Variants in EPHA6 observed in about 807,000 individuals in gnomAD.
EPHA6 encodes the protein ephrin type-A receptor 6.
In EPHA6, 50 loss-of-function variants were observed where a neutral mutation model predicts 112.0. The observed-to-expected ratio is 0.45, with a 90% CI of 0.36 to 0.56. EPHA6 has a LOEUF of 0.56. EPHA6 is among the 20% of genes least tolerant of loss of function. EPHA6 has a pLI of 0.00. For synonymous variants in EPHA6, 529 were observed against 490.7 expected, an observed-to-expected ratio of 1.08 and a Z score of -1.03; for missense variants, 1,280 against 1,417.4, an observed-to-expected ratio of 0.90 and a Z score of 1.56.
intron 14 of EPHA6, among the ~76,000 whole-genome samples, chr3:97,640,085 A>T (rs1354411108): frequency 6.6e-6 from 1 of 152,168 alleles, no homozygotes; most frequent in African/African-American, 2.4e-5. Flanking sequence ...TAGAAGGTTC[A>T]TGCTGCCTTG....
chr3:97,384,681 C>A (rs1032274510), intron 5 of EPHA6, among the ~76,000 whole-genome samples: 3 of 152,030 alleles, frequency 2.0e-5, no homozygotes, highest in Non-Finnish European at 4.4e-5. Context: ...TTCCAATATC[C>A]AAAGAATTTA....
chr3:97,321,786 T>G (rs2082133957), intron 5 of EPHA6, among the ~76,000 whole-genome samples: 1 of 152,084 alleles, frequency 6.6e-6, no homozygotes, highest in Admixed American at 6.6e-5. Flanking sequence ...AACAAATTAT[T>G]TGTTAACTAT....
At chr3:97,458,866 A>C (rs1056735694) in intron 7 of EPHA6, among the ~76,000 whole-genome samples, 1 of 152,188 alleles carries the variant, frequency 6.6e-6, no homozygotes, top group African/African-American at 2.4e-5. Flanking sequence ...CCAGATATAG[A>C]TGTAGGCACT....
At chr3:96,953,095 T>C (rs182473976) in intron 2 of EPHA6, among the ~76,000 whole-genome samples, 3 of 151,944 alleles carry the variant, frequency 2.0e-5, no homozygotes, top group Non-Finnish European at 4.4e-5. Context: ...ATTTCCTGGG[T>C]TTTTTATAGC....
At chr3:97,357,955 T>C (rs570594359) in intron 5 of EPHA6, among the ~76,000 whole-genome samples, 3 of 152,258 alleles carry the variant, frequency 2.0e-5, no homozygotes, top group Admixed American at 1.3e-4. Flanking sequence ...GGGATGGTCT[T>C]GCTGTCTTAG....
At chr3:97,475,765 A>T (rs2091351732) in intron 8 of EPHA6, among the ~76,000 whole-genome samples, 1 of 152,190 alleles carries the variant, frequency 6.6e-6, no homozygotes, top group African/African-American at 2.4e-5. Context: ...TTCTTAAAAA[A>T]TATTTTAATG....
rs2078263304 is a variant in EPHA6 at position 97,223,481 on chromosome 3, A to T, written c.1115-2783A>T. 2.0e-5 allele frequency among the ~76,000 whole-genome samples: 3 copies of T among 152,222 alleles called. No individual in the cohort carries two copies. The South Asian group carries it at 6.2e-4, about 31-fold the overall frequency. On this transcript the variant is annotated intron_variant, in intron 3 of 17. Transcript: ENST00000389672. ...GTGGGAACAAGCTTGGGTGTCCAAGATTCTGGAAAAGGCCAGTGTGGCTAG... is the reference window on the plus strand; with the variant it reads ...GTGGGAACAAGCTTGGGTGTCCAAGTTTCTGGAAAAGGCCAGTGTGGCTAG...
intron 3 of EPHA6, among the ~76,000 whole-genome samples, chr3:97,021,843 C>A (rs1367043937): frequency 6.6e-6 from 1 of 152,170 alleles, no homozygotes; most frequent in Non-Finnish European, 1.5e-5. Context: ...TAGTCTATAT[C>A]ACCTTGCCTT....
chr3:97,046,071 A>G (rs2045495849), intron 3 of EPHA6, among the ~76,000 whole-genome samples: 1 of 152,092 alleles, frequency 6.6e-6, no homozygotes, highest in Non-Finnish European at 1.5e-5. Context: ...AAAAAGAGAG[A>G]TTCTTCCTAA....
At chr3:96,925,018 T>C (rs925995828) in intron 2 of EPHA6, among the ~76,000 whole-genome samples, 4 of 152,152 alleles carry the variant, frequency 2.6e-5, no homozygotes, top group Non-Finnish European at 4.4e-5. Flanking sequence ...TGTTTTGATG[T>C]GCTGGTTTGG....
At chr3:96,908,910 T>G (rs2039074192) in intron 2 of EPHA6, among the ~76,000 whole-genome samples, 1 of 151,980 alleles carries the variant, frequency 6.6e-6, no homozygotes, top group Admixed American at 6.6e-5. Flanking sequence ...GGAGTTAATC[T>G]GCTATGAGCC....
intron 3 of EPHA6, among the ~76,000 whole-genome samples, chr3:97,090,984 A>G (rs1037157126): frequency 6.6e-6 from 1 of 152,120 alleles, no homozygotes; most frequent in African/African-American, 2.4e-5. Context: ...TTACAGTAAT[A>G]ATATTGAACA....
In EPHA6 at chr3:97,310,997, C is replaced by G. The variant is rs188935906; in HGVS notation, c.1606+66710C>G. Among the ~76,000 whole-genome samples the G allele has an allele frequency of 7.6e-4, 115 of 151,638 alleles. 2 individuals carry two copies. In the East Asian group the frequency reaches 0.021, roughly 28 times the overall value. On this transcript the variant is annotated intron_variant, in intron 5 of 17. Coordinates refer to ENST00000389672, the MANE Select transcript of EPHA6 (RefSeq NM_001080448.3). ...CTAGCTATCCTTTCCCACCTGGAGA[C>G]AGCTTGATCAACCTGATGAGTAACA...
chr3:97,585,639 C>A (rs1276857996), intron 11 of EPHA6, among the ~76,000 whole-genome samples: 1 of 151,080 alleles, frequency 6.6e-6, no homozygotes, highest in Non-Finnish European at 1.5e-5. Flanking sequence ...CAGTAATGGT[C>A]ATATTATTTT....
chr3:97,618,751 G>A (rs183626196), intron 13 of EPHA6, among the ~76,000 whole-genome samples: 430 of 152,134 alleles, frequency 2.8e-3, no homozygotes, highest in Non-Finnish European at 5.1e-3. Flanking sequence ...AACAGGTTCT[G>A]AAATTGAGGA....
chr3:96,861,046 A>G (rs1358614428), intron 1 of EPHA6, among the ~76,000 whole-genome samples: 4 of 152,060 alleles, frequency 2.6e-5, no homozygotes, highest in Admixed American at 2.0e-4. Context: ...GTGATAGATC[A>G]CATCCACACC....
intron 3 of EPHA6, among the ~76,000 whole-genome samples, chr3:97,121,694 G>T (rs1465657195): frequency 6.6e-6 from 1 of 152,044 alleles, no homozygotes; most frequent in Non-Finnish European, 1.5e-5. Flanking sequence ...CCAGTTAACT[G>T]CAAGATTTAA....
chr3:97,000,066 A>G (rs1403154044), intron 3 of EPHA6, among the ~76,000 whole-genome samples: 2 of 151,860 alleles, frequency 1.3e-5, no homozygotes, highest in Non-Finnish European at 2.9e-5. Flanking sequence ...AGACAAAGAA[A>G]TCATAGCTGT....
chr3:96,814,635 C>G lies in EPHA6; in HGVS notation c.12C>G (p.Pro4=). The G allele has an allele frequency of 1.4e-6, 2 of 1,470,680 alleles. No homozygotes were observed. The highest frequency in any genetic ancestry group is 1.8e-6 in the Non-Finnish European group (2 of 1,111,480). 91.1% of individuals were successfully genotyped at this position (1,470,680 alleles called of 1,614,324 possible). ...GGACACTGTGGTGGATGCAATTCCC[C>G]TCGCCTCCAGCCGCGAGGAGCTCCC... MQF[P]SPPAARSSPA... is the part of the protein sequence containing the mutation. The change falls in exon 1 of 18, where the codon CCC becomes CCG. Residue 4 remains proline, a synonymous_variant. Coordinates refer to ENST00000389672, the MANE Select transcript of EPHA6 (RefSeq NM_001080448.3).
Sources: allele counts gnomAD v4.1 joint callset (sites outside exome capture counted in the v4.1 genomes callset), GRCh38; gene constraint gnomAD v4.1.1; transcripts MANE v1.5; gene names NCBI Gene and HGNC (gene_info 2026-07-23, HGNC 2026-07-21).